SLC9A2: variants seen among roughly 807,000 people sequenced by gnomAD.
SLC9A2 encodes solute carrier family 9 member A2.
In SLC9A2, 42 loss-of-function variants were observed where a neutral mutation model predicts 71.7. The ratio of observed to expected loss-of-function variants is 0.59; its 90% confidence interval spans 0.46 to 0.76. The LOEUF is 0.76. Among genes scored for constraint, SLC9A2 ranks in the 30% least tolerant of loss-of-function variants. The probability of loss-of-function intolerance (pLI) is 0.00; values close to 1 mark genes in which losing one functional copy is unlikely to be tolerated. For missense variants in SLC9A2, 829 were observed against 1,017.4 expected (o/e 0.81, Z 2.52); for synonymous variants, 396 against 392.5 (o/e 1.01, Z -0.10).
intron 5 of SLC9A2, among the ~76,000 whole-genome samples, chr2:102,692,985 AC>A (rs1345378286): frequency 2.0e-5 from 3 of 151,796 alleles, no homozygotes; most frequent in African/African-American, 7.3e-5. Context: ...TATATAGAAT[AC>A]TAGTGTATTA....
rs543544085 is a variant in SLC9A2 at position 102,623,557 on chromosome 2, A to T, written c.289+3420A>T. Among the ~76,000 whole-genome samples, 8 of 152,226 alleles carry T rather than the reference A, an allele frequency of 5.3e-5. No homozygotes were observed. The South Asian group carries it at 1.7e-3, about 32-fold the overall frequency. On this transcript the variant is annotated intron_variant, in intron 1 of 11. Coordinates refer to ENST00000233969, the MANE Select transcript of SLC9A2 (RefSeq NM_003048.6). ...CACTTTCGTACCCCATTAAACAGTC[A>T]TCTAGTCATTTCTCTTTCAACTTTT...
At chr2:102,669,836 A>C (rs1677211124) in intron 3 of SLC9A2, among the ~76,000 whole-genome samples, 1 of 152,010 alleles carries the variant, frequency 6.6e-6, no homozygotes, top group Non-Finnish European at 1.5e-5. Context: ...CCACTTTTGG[A>C]CTTCAGGCTC....
At position 102,619,754 on chromosome 2, in the gene SLC9A2, G is replaced by C. The variant is rs1293012179; in HGVS notation, c.-95G>C. The stretch of plus-strand genomic sequence containing the variant: ...TGGCTGTCGCTGCCCTGCCCTGCAC[G>C]GGGCAGGGCGGAGCGGGCTGAGCAG... On this transcript the variant is annotated 5_prime_UTR_variant, in exon 1 of 12. Transcript: ENST00000233969. The surrounding 1 kb of genome is among the most constrained non-coding windows in gnomAD (Gnocchi z 4.3). 39 of 1,181,980 alleles carry C rather than the reference G, an allele frequency of 3.3e-5. No homozygotes were observed. The highest frequency in any genetic ancestry group is 1.7e-5 in the South Asian group (1 of 57,716). 73.2% of individuals were successfully genotyped at this position (1,181,980 alleles called of 1,614,324 possible). A position where few individuals can be genotyped will look rare whatever the true frequency, so the allele number is the denominator to read the frequency against.
chr2:102,707,383 G>A (rs1014046361), intron 11 of SLC9A2, among the ~76,000 whole-genome samples: 26 of 150,984 alleles, frequency 1.7e-4, no homozygotes, highest in African/African-American at 5.4e-4. Flanking sequence ...GGAGTGTGAG[G>A]TGAGAATAAT....
intron 1 of SLC9A2, among the ~76,000 whole-genome samples, chr2:102,638,217 T>G (rs1444498800): frequency 6.6e-6 from 1 of 152,162 alleles, no homozygotes; most frequent in Non-Finnish European, 1.5e-5. Context: ...GAAATTTTGC[T>G]TCTTGTCTTT....
intron 1 of SLC9A2, among the ~76,000 whole-genome samples, chr2:102,622,166 CAT>C (rs372767511): frequency 1.2e-4 from 18 of 152,264 alleles, no homozygotes; most frequent in African/African-American, 1.9e-4. Flanking sequence ...CAGATACACA[CAT>C]GTTTGTAAAT....
chr2:102,621,638 C>T (rs1558697882), intron 1 of SLC9A2, among the ~76,000 whole-genome samples: 1 of 152,096 alleles, frequency 6.6e-6, no homozygotes, highest in Non-Finnish European at 1.5e-5. Flanking sequence ...GGCAGATTTC[C>T]ATAAAGAATG....
intron 1 of SLC9A2, among the ~76,000 whole-genome samples, chr2:102,636,801 G>A (rs1442321377): frequency 6.6e-6 from 1 of 152,184 alleles, no homozygotes; most frequent in African/African-American, 2.4e-5. Flanking sequence ...GCACGCCCTA[G>A]TGGCCCTTCC....
intron 1 of SLC9A2, among the ~76,000 whole-genome samples, chr2:102,651,155 C>A (rs1466650271): frequency 6.6e-6 from 1 of 152,168 alleles, no homozygotes; most frequent in Non-Finnish European, 1.5e-5. Context: ...TACTCACCAC[C>A]ACTTTAATGG....
chr2:102,680,758 G>A (rs1677438269), intron 3 of SLC9A2, among the ~76,000 whole-genome samples: 2 of 152,148 alleles, frequency 1.3e-5, no homozygotes, highest in Non-Finnish European at 2.9e-5. Flanking sequence ...ATGTGATTAG[G>A]TGAAAATCCT....
rs1029271337 is a variant in SLC9A2, at chr2:102,619,753, C to G, written c.-96C>G. ...GTGGCTGTCGCTGCCCTGCCCTGCA[C>G]GGGGCAGGGCGGAGCGGGCTGAGCA... On this transcript the variant is annotated 5_prime_UTR_variant, in exon 1 of 12. Transcript: ENST00000233969. This position sits in a 1 kb window ranked among gnomAD's most constrained non-coding sequence, Gnocchi z 4.3. 13 of 1,191,092 alleles carry G rather than the reference C, an allele frequency of 1.1e-5. No individual in the cohort carries two copies. The African/African-American group carries it at 1.8e-4, about 16-fold the overall frequency. 73.8% of individuals were successfully genotyped at this position (1,191,092 alleles called of 1,614,324 possible).
At chr2:102,620,519 G>C (rs1676113968) in intron 1 of SLC9A2, among the ~76,000 whole-genome samples, 1 of 152,146 alleles carries the variant, frequency 6.6e-6, no homozygotes, top group Admixed American at 6.5e-5. Context: ...TGCATAATGT[G>C]GTTAAAACCC....
chr2:102,687,264 T>A (rs1359529666), intron 5 of SLC9A2, among the ~76,000 whole-genome samples: 1 of 152,160 alleles, frequency 6.6e-6, no homozygotes, highest in African/African-American at 2.4e-5. Flanking sequence ...TACCTACCAC[T>A]GGTTCTTAAG....
chr2:102,687,446 A>G (rs1440790876), intron 5 of SLC9A2, among the ~76,000 whole-genome samples: 1 of 152,208 alleles, frequency 6.6e-6, no homozygotes, highest in Non-Finnish European at 1.5e-5. Flanking sequence ...AGGAATAACT[A>G]ATTATACATC....
chr2:102,661,712 G>T (rs1677052496), intron 2 of SLC9A2, among the ~76,000 whole-genome samples: 1 of 152,120 alleles, frequency 6.6e-6, no homozygotes, highest in African/African-American at 2.4e-5. Flanking sequence ...TTATTTGAAA[G>T]ATTTCAAAGC....
At chr2:102,630,020 C>T (rs1676327922) in intron 1 of SLC9A2, among the ~76,000 whole-genome samples, 1 of 152,012 alleles carries the variant, frequency 6.6e-6, no homozygotes, top group Admixed American at 6.6e-5. Context: ...CTATTTTTAT[C>T]ATCTTCTTCC....
intron 1 of SLC9A2, among the ~76,000 whole-genome samples, chr2:102,622,483 G>A (rs1676159597): frequency 1.3e-5 from 2 of 152,112 alleles, no homozygotes; most frequent in South Asian, 4.1e-4. Flanking sequence ...ACAGCCTCTA[G>A]GAGGCACTTA....
intron 1 of SLC9A2, among the ~76,000 whole-genome samples, chr2:102,620,682 A>G (rs1676117645): frequency 6.6e-6 from 1 of 152,022 alleles, no homozygotes; most frequent in African/African-American, 2.4e-5. Context: ...TGAGGCTGTC[A>G]CTCTCCAGGA....
intron 5 of SLC9A2, among the ~76,000 whole-genome samples, chr2:102,690,119 T>C (rs373033089): frequency 2.0e-5 from 3 of 151,840 alleles, no homozygotes; most frequent in East Asian, 1.9e-4. Flanking sequence ...CCCTGAAACA[T>C]AGCAATATTT....
Sources: allele counts gnomAD v4.1 joint callset (sites outside exome capture counted in the v4.1 genomes callset), GRCh38; gene constraint gnomAD v4.1.1; non-coding constraint Gnocchi (gnomAD v3.1); transcripts MANE v1.5; gene names NCBI Gene and HGNC (gene_info 2026-07-23, HGNC 2026-07-21).